Variants in AP4E1 observed in about 807,000 individuals in gnomAD.
The protein encoded by AP4E1 is adaptor related protein complex 4 subunit epsilon 1.
A neutral mutation model predicts 128.2 loss-of-function variants in AP4E1; 56 were observed. The observed-to-expected ratio is 0.44, with a 90% CI of 0.35 to 0.55. AP4E1 has a LOEUF of 0.55. AP4E1 is among the 20% of genes least tolerant of loss of function. The pLI, the probability that AP4E1 is intolerant of heterozygous loss-of-function variation, is 0.00. For missense variants in AP4E1, 1,324 were observed against 1,307.7 expected (o/e 1.01, Z -0.19); for synonymous variants, 484 against 473.1 (o/e 1.02, Z -0.30).
chr15:50,950,175 C>G lies in AP4E1; in HGVS notation c.1548+6C>G, dbSNP rs2064129698. On this transcript the variant is annotated splice_donor_region_variant and intron_variant, in intron 13 of 20. Transcript: ENST00000261842. ...TTCTTCAAGTTATGAGTTGGGTGAG[C>G]AAAGTACCTTAAATCATAAATTTTT... is the stretch of plus-strand genomic sequence containing the variant. 1 of 1,535,810 alleles carries G rather than the reference C, an allele frequency of 6.5e-7. No individual in the cohort carries two copies. Among genetic ancestry groups the G allele is most frequent in the Non-Finnish European group, 9.0e-7 (1 of 1,110,604 alleles).
chr15:50,908,674 A>C, upstream of AP4E1: 1 of 1,305,520 alleles, frequency 7.7e-7, no homozygotes, highest in Non-Finnish European at 9.9e-7. Context: ...TCTTATTCAA[A>C]AAACAGGAAG....
At chr15:50,979,979 A>G (rs2064618662) in intron 15 of AP4E1, among the ~76,000 whole-genome samples, 1 of 152,230 alleles carries the variant, frequency 6.6e-6, no homozygotes, top group Non-Finnish European at 1.5e-5. Context: ...AGAAGAATTT[A>G]AAGAAGCAGG....
At chr15:50,980,238 T>A (rs1407362002) in intron 15 of AP4E1, among the ~76,000 whole-genome samples, 1 of 152,198 alleles carries the variant, frequency 6.6e-6, no homozygotes, top group African/African-American at 2.4e-5. Context: ...TGTTGGAAAC[T>A]GGAGTAAGGC....
intron 5 of AP4E1, among the ~76,000 whole-genome samples, chr15:50,928,059 G>A (rs1219077470): frequency 6.6e-6 from 1 of 152,168 alleles, no homozygotes; most frequent in Non-Finnish European, 1.5e-5. Flanking sequence ...ATCTGCTACA[G>A]ATGAAGTGCA....
intron 4 of AP4E1, 27 bp from the exon 5 acceptor site, chr15:50,925,071 T>C: frequency 6.2e-7 from 1 of 1,613,362 alleles, no homozygotes; most frequent in Non-Finnish European, 8.5e-7. Flanking sequence ...TTACACTAAA[T>C]GTTTTCTTTG....
intron 2 of AP4E1, among the ~76,000 whole-genome samples, chr15:50,914,069 C>T (rs2063599026): frequency 6.6e-6 from 1 of 152,122 alleles, no homozygotes; most frequent in African/African-American, 2.4e-5. Flanking sequence ...ATCTGCCCTC[C>T]TTGGCCTCCC....
chr15:50,934,739 T>C, intron 8 of AP4E1, 42 bp downstream of exon 8: 2 of 1,274,548 alleles, frequency 1.6e-6, no homozygotes, highest in Non-Finnish European at 2.3e-6. Flanking sequence ...ACTAATAATG[T>C]TTTTTAGTAT....
At chr15:50,995,597 G>A (rs562265272) in intron 17 of AP4E1, among the ~76,000 whole-genome samples, 11 of 152,074 alleles carry the variant, frequency 7.2e-5, no homozygotes, top group African/African-American at 2.7e-4. Context: ...TGTTGGCCAG[G>A]CTGGTCTCAA....
intron 13 of AP4E1, among the ~76,000 whole-genome samples, chr15:50,951,730 T>TC (rs942197114): frequency 6.7e-6 from 1 of 148,304 alleles, no homozygotes; most frequent in African/African-American, 2.5e-5. Flanking sequence ...TTCTTTCTTT[T>TC]TTTTTTTTTT....
At chr15:50,927,341 G>C (rs2141151428) in intron 5 of AP4E1, among the ~76,000 whole-genome samples, 1 of 152,304 alleles carries the variant, frequency 6.6e-6, no homozygotes, top group African/African-American at 2.4e-5. Flanking sequence ...ATGAGGCAGA[G>C]CTATAGGTAA....
intron 16 of AP4E1, among the ~76,000 whole-genome samples, chr15:50,985,617 T>G (rs2064710388): frequency 6.6e-6 from 1 of 152,120 alleles, no homozygotes; most frequent in East Asian, 1.9e-4. Context: ...GATCAGATGG[T>G]TGTAGATGTG....
At chr15:50,995,666 G>A (rs1032945213) in intron 17 of AP4E1, among the ~76,000 whole-genome samples, 1 of 152,016 alleles carries the variant, frequency 6.6e-6, no homozygotes, top group Non-Finnish European at 1.5e-5. Flanking sequence ...GATTGCAGGT[G>A]TGAGCCGCCA....
chr15:50,914,900 T>C (rs1341789431), intron 2 of AP4E1, among the ~76,000 whole-genome samples: 2 of 152,258 alleles, frequency 1.3e-5, no homozygotes, highest in South Asian at 4.1e-4. Context: ...CAGTTTATAA[T>C]TGTGAGTTAT....
At chr15:50,957,970 C>G (rs534702475) in intron 13 of AP4E1, among the ~76,000 whole-genome samples, 1 of 152,102 alleles carries the variant, frequency 6.6e-6, no homozygotes, top group South Asian at 2.1e-4. Flanking sequence ...CCATGCCTGG[C>G]CAATAAGTGT....
intron 18 of AP4E1, among the ~76,000 whole-genome samples, chr15:50,998,571 A>G (rs773726972): frequency 1.8e-4 from 28 of 152,070 alleles, no homozygotes; most frequent in Non-Finnish European, 4.1e-4. Context: ...CGGAGGTTGC[A>G]GTGAGCCAAG....
In AP4E1 at chr15:50,915,529, A is replaced by G; in HGVS notation, c.304A>G (p.Ile102Val). ...TGCTTCCTTTGGCTATATTCATGCA[A>G]TCAAGTTAGCCCAACAAGGAAACCT... ...YDASFGYIHA[I>V]KLAQQGNLLE... Residue 102 changes from isoleucine (I) to valine (V), a missense_variant, in exon 3 of 21, where the codon ATC (isoleucine) becomes GTC (valine). Transcript: ENST00000261842. The G allele has an allele frequency of 6.2e-7, 1 of 1,613,666 alleles. No homozygotes were observed. Among genetic ancestry groups the G allele is most frequent in the Non-Finnish European group, 8.5e-7 (1 of 1,179,758 alleles).
chr15:50,908,293 G>A (rs997058173), upstream of AP4E1, among the ~76,000 whole-genome samples: 53 of 152,112 alleles, frequency 3.5e-4, no homozygotes, highest in African/African-American at 1.3e-3. Context: ...GAAACCGCCT[G>A]TGGGAAGCGG....
At chr15:50,979,697 G>T (rs1470818844) in intron 15 of AP4E1, among the ~76,000 whole-genome samples, 2 of 152,008 alleles carry the variant, frequency 1.3e-5, no homozygotes, top group African/African-American at 4.8e-5. Context: ...GCTAATTTTT[G>T]TATTTTTAGT....
intron 5 of AP4E1, among the ~76,000 whole-genome samples, 166 bp downstream of exon 5, chr15:50,925,385 A>G (rs545204649): frequency 9.8e-5 from 15 of 152,310 alleles, no homozygotes; most frequent in Admixed American, 3.9e-4. Context: ...ATGTGGGTTT[A>G]GGGAAATGTT....
Sources: allele counts gnomAD v4.1 joint callset (sites outside exome capture counted in the v4.1 genomes callset), GRCh38; gene constraint gnomAD v4.1.1; transcripts MANE v1.5; gene names NCBI Gene and HGNC (gene_info 2026-07-23, HGNC 2026-07-21).